The following GRID2 variants were observed in gnomAD, a reference collection of about 807,000 sequenced individuals.
GRID2 encodes the protein glutamate ionotropic receptor delta type subunit 2.
A neutral mutation model predicts 114.8 loss-of-function variants in GRID2; 33 were observed. The ratio of observed to expected loss-of-function variants is 0.29; its 90% CI spans 0.22 to 0.38. GRID2 has a LOEUF of 0.38. Among genes scored for constraint, GRID2 ranks in the 10% least tolerant of loss-of-function variants. The pLI, the probability that GRID2 is intolerant of heterozygous loss-of-function variation, is 1.00. For missense variants in GRID2, 1,184 were observed against 1,257.7 expected, an observed-to-expected ratio of 0.94 and a Z score of 0.89; for synonymous variants, 505 against 449.9, an observed-to-expected ratio of 1.12 and a Z score of -1.55.
chr4:93,151,265 G>A (rs890684057), intron 4 of GRID2, among the ~76,000 whole-genome samples: 7 of 152,016 alleles, frequency 4.6e-5, no homozygotes, highest in African/African-American at 1.7e-4. Context: ...TCTGGAGGCT[G>A]TCATCTGAGG....
chr4:92,346,578 G>A (rs1037517167), intron 1 of GRID2, among the ~76,000 whole-genome samples: 5 of 152,074 alleles, frequency 3.3e-5, no homozygotes, highest in Non-Finnish European at 7.4e-5. Context: ...TGTTGCCCAG[G>A]CTGGTCTGGT....
chr4:93,375,214 CTTT>C (rs373891256), intron 8 of GRID2, among the ~76,000 whole-genome samples: 6 of 135,300 alleles, frequency 4.4e-5, no homozygotes, highest in Non-Finnish European at 7.8e-5. Flanking sequence ...CTTTTTTTCC[CTTT>C]TTTTTTTTTT....
chr4:92,341,349 G>A (rs533147474), intron 1 of GRID2, among the ~76,000 whole-genome samples: 2 of 152,202 alleles, frequency 1.3e-5, no homozygotes, highest in South Asian at 2.1e-4. Flanking sequence ...TGCTAGTTTA[G>A]ATTCCTACAG....
chr4:93,143,865 A>G (rs552593670), intron 4 of GRID2, among the ~76,000 whole-genome samples: 33 of 152,262 alleles, frequency 2.2e-4, no homozygotes, highest in Non-Finnish European at 4.1e-4. Context: ...TGCATTGCAT[A>G]TGAGCCATGT....
intron 12 of GRID2, among the ~76,000 whole-genome samples, chr4:93,513,304 C>T (rs576655050): frequency 6.6e-6 from 1 of 152,212 alleles, no homozygotes; most frequent in South Asian, 2.1e-4. Flanking sequence ...TGGGTATCCT[C>T]CACTAAACAG....
At chr4:93,348,254 A>T (rs1158377650) in intron 8 of GRID2, among the ~76,000 whole-genome samples, 2 of 152,192 alleles carry the variant, frequency 1.3e-5, no homozygotes, top group Non-Finnish European at 2.9e-5. Flanking sequence ...GACAAAAATC[A>T]TTACTCACTT....
At chr4:93,392,915 A>G (rs1764990070) in intron 8 of GRID2, among the ~76,000 whole-genome samples, 1 of 152,064 alleles carries the variant, frequency 6.6e-6, no homozygotes, top group Admixed American at 6.6e-5. Flanking sequence ...CTTGTCTGTT[A>G]AATAATAATG....
In GRID2 at chr4:92,435,635, T is replaced by C. The variant is rs554753342; in HGVS notation, c.88+130891T>C. Among the ~76,000 whole-genome samples, 4 of 152,322 alleles carry C rather than the reference T, an allele frequency of 2.6e-5. No homozygotes were observed. In the East Asian group the frequency reaches 7.7e-4, roughly 29 times the overall value. On this transcript the variant is annotated intron_variant, in intron 1 of 15. Coordinates refer to ENST00000282020, the MANE Select transcript of GRID2 (RefSeq NM_001510.4). ...CCTAGAGAAGAAAAGCTTTTCACTA[T>C]TTTCTACAAGAACTTTCCGAGCTTT...
At chr4:93,186,217 G>A (rs1298324523) in intron 4 of GRID2, among the ~76,000 whole-genome samples, 2 of 152,058 alleles carry the variant, frequency 1.3e-5, no homozygotes, top group South Asian at 2.1e-4. Flanking sequence ...ATACGCATGC[G>A]TCTTTATAGT....
chr4:93,350,162 A>G (rs1336780662), intron 8 of GRID2, among the ~76,000 whole-genome samples: 1 of 152,096 alleles, frequency 6.6e-6, no homozygotes, highest in Non-Finnish European at 1.5e-5. Flanking sequence ...GCTTCCAGGA[A>G]AAGTCTGTCA....
At chr4:92,975,593 T>G (rs1193523722) in intron 2 of GRID2, among the ~76,000 whole-genome samples, 1 of 152,144 alleles carries the variant, frequency 6.6e-6, no homozygotes, top group Non-Finnish European at 1.5e-5. Context: ...GTCACCTCAC[T>G]TTTTCTTTTT....
intron 8 of GRID2, among the ~76,000 whole-genome samples, chr4:93,350,268 C>T (rs1053158727): frequency 2.6e-5 from 4 of 152,034 alleles, no homozygotes; most frequent in South Asian, 2.1e-4. Flanking sequence ...TCCCAACATG[C>T]CCAGTTGCTT....
chr4:93,263,809 GT>G (rs1397662246), intron 8 of GRID2, among the ~76,000 whole-genome samples: 2 of 152,104 alleles, frequency 1.3e-5, no homozygotes, highest in Non-Finnish European at 2.9e-5. Context: ...AAAGCCAAAA[GT>G]TTTATCCTTC....
chr4:93,480,437 A>G (rs1017696280), intron 11 of GRID2, among the ~76,000 whole-genome samples: 4 of 152,102 alleles, frequency 2.6e-5, no homozygotes, highest in Non-Finnish European at 4.4e-5. Context: ...TTTTCTATCC[A>G]TACATATCAA....
At chr4:93,208,216 T>G (rs1743036861) in intron 5 of GRID2, among the ~76,000 whole-genome samples, 1 of 151,962 alleles carries the variant, frequency 6.6e-6, no homozygotes, top group African/African-American at 2.4e-5. Context: ...TCTAGAATAA[T>G]AAGATTTCTT....
intron 14 of GRID2, among the ~76,000 whole-genome samples, chr4:93,738,747 T>C (rs1205706612): frequency 6.6e-6 from 1 of 152,008 alleles, no homozygotes; most frequent in Non-Finnish European, 1.5e-5. Flanking sequence ...AGGTGATGCT[T>C]AGAGAAGTAA....
intron 13 of GRID2, among the ~76,000 whole-genome samples, chr4:93,569,507 C>A (rs1276651757): frequency 2.6e-5 from 4 of 152,124 alleles, no homozygotes; most frequent in African/African-American, 9.7e-5. Context: ...CTTTTGACAA[C>A]CCCAATCCAT....
chr4:92,360,337 C>G (rs1407748941), intron 1 of GRID2, among the ~76,000 whole-genome samples: 2 of 151,940 alleles, frequency 1.3e-5, no homozygotes, highest in East Asian at 1.9e-4. Context: ...ACTCCTTGTC[C>G]TCTTCATAAA....
At chr4:92,846,853 A>T (rs1743364499) in intron 2 of GRID2, among the ~76,000 whole-genome samples, 1 of 152,114 alleles carries the variant, frequency 6.6e-6, no homozygotes, top group Non-Finnish European at 1.5e-5. Context: ...GTAACCCAAG[A>T]TGTAGGCGCT....
Sources: allele counts gnomAD v4.1 joint callset (sites outside exome capture counted in the v4.1 genomes callset), GRCh38; gene constraint gnomAD v4.1.1; transcripts MANE v1.5; gene names NCBI Gene and HGNC (gene_info 2026-07-23, HGNC 2026-07-21).